Variants in BMP7 observed in about 807,000 individuals in gnomAD.
BMP7 encodes osteogenic protein 1.
In BMP7, 12 loss-of-function variants were observed where a neutral mutation model predicts 41.2. That is an observed-to-expected ratio of 0.29 (90% CI 0.19 to 0.47). The LOEUF (loss-of-function observed/expected upper bound fraction) is 0.47. Among genes scored for constraint, BMP7 ranks in the 20% least tolerant of loss-of-function variants. BMP7 has a pLI of 0.99. For missense variants in BMP7, 467 were observed against 606.0 expected (o/e 0.77, Z 2.41); for synonymous variants, 248 against 250.0 (o/e 0.99, Z 0.07).
In BMP7 at chr20:57,202,549, G is replaced by T; in HGVS notation, c.686C>A (p.Thr229Lys). The T allele has an allele frequency of 6.2e-7, 1 of 1,612,012 alleles. No homozygotes were observed. ...SEEGWLVFDI[T>K]ATSNHWVVNP... ...GACCACCCAGTGGTTGCTGGTGGCT[G>T]TGATGTCAAACACCAGCCAGCCCTC... Residue 229 changes from threonine (T) to lysine (K), a missense_variant, in exon 3 of 7, where the codon ACA (threonine) becomes AAA (lysine). Transcript: ENST00000395863.
intron 1 of BMP7, among the ~76,000 whole-genome samples, chr20:57,249,863 T>C (rs1425920943): frequency 6.6e-6 from 1 of 152,134 alleles, no homozygotes; most frequent in Non-Finnish European, 1.5e-5. Flanking sequence ...AGGTGAGGAC[T>C]GAGCCCCTTC....
chr20:57,170,950 T>A lies in BMP7; in HGVS notation c.*9A>T, dbSNP rs759728014. 1.2e-6 allele frequency: 2 copies of A among 1,613,044 alleles called. No individual in the cohort carries two copies. Among genetic ancestry groups the A allele is most frequent in the Admixed American group, 3.3e-5 (2 of 59,998 alleles). On this transcript the variant is annotated 3_prime_UTR_variant, in exon 7 of 7. Coordinates refer to ENST00000395863, the MANE Select transcript of BMP7 (RefSeq NM_001719.3). ...ACTTGGCCCCAAAGGGTCTGAATTC[T>A]CGGAGGAGCTAGTGGCAGCCACAGG...
intron 1 of BMP7, among the ~76,000 whole-genome samples, chr20:57,231,897 C>A (rs2066030713): frequency 6.6e-6 from 1 of 152,170 alleles, no homozygotes; most frequent in African/African-American, 2.4e-5. Flanking sequence ...GCTGAAGAGC[C>A]CGGAAGTACA....
chr20:57,262,351 A>T (rs936516913), intron 1 of BMP7, among the ~76,000 whole-genome samples: 1 of 152,212 alleles, frequency 6.6e-6, no homozygotes, highest in Non-Finnish European at 1.5e-5. Flanking sequence ...GGCTGGGAAG[A>T]TGGGAGTCTC....
At chr20:57,231,370 C>A (rs2066028924) in intron 1 of BMP7, among the ~76,000 whole-genome samples, 1 of 152,196 alleles carries the variant, frequency 6.6e-6, no homozygotes, top group Non-Finnish European at 1.5e-5. Context: ...ATGAACATCA[C>A]AGGACACGTG....
chr20:57,231,554 G>A (rs2066029551), intron 1 of BMP7, among the ~76,000 whole-genome samples: 1 of 152,220 alleles, frequency 6.6e-6, no homozygotes, highest in Non-Finnish European at 1.5e-5. Flanking sequence ...GGCTTCTCGA[G>A]TGCTTTTCTC....
Position 57,266,027 on chromosome 20 carries a change from G to A in BMP7, c.96C>T (p.Ser32=), listed in dbSNP as rs199724512. ...FLLRSALADF[S]LDNEVHSSFI... ...AGCTCGAGTGCACCTCGTTGTCCAG[G>A]CTGAAGTCGGCCAGGGCGGAGCGCA... is the stretch of plus-strand genomic sequence containing the variant. Residue 32 remains serine, a synonymous_variant, in exon 1 of 7, where the codon AGC becomes AGT. Coordinates refer to ENST00000395863, the MANE Select transcript of BMP7 (RefSeq NM_001719.3). The A allele has an allele frequency of 4.5e-6, 7 of 1,547,216 alleles. No homozygotes were observed. The highest frequency in any genetic ancestry group is 3.5e-6 in the Non-Finnish European group (4 of 1,146,918).
intron 3 of BMP7, among the ~76,000 whole-genome samples, chr20:57,185,833 A>G (rs944074323): frequency 5.9e-5 from 9 of 152,066 alleles, no homozygotes; most frequent in Non-Finnish European, 8.8e-5. Context: ...AGTACTCAAT[A>G]AATGCTAGCT....
In BMP7 at chr20:57,207,811, G is replaced by GT. The variant is rs572613876; in HGVS notation, c.612-5189dup. ...CTTTCCCATCCCCATACCCCAGTTG[G>GT]TTTTTTTTTTTTTTTTTTTTTTTTT... On this transcript the variant is annotated intron_variant, in intron 2 of 6. Coordinates refer to ENST00000395863, the MANE Select transcript of BMP7 (RefSeq NM_001719.3). Among the ~76,000 whole-genome samples the GT allele has an allele frequency of 9.9e-3, 1,082 of 109,824 alleles. 64 individuals are homozygous for GT. Among genetic ancestry groups the GT allele is most frequent in the Admixed American group, 0.016 (169 of 10,610 alleles). The allele number at this position is 109,824 out of a possible 152,430, so 72.0% of individuals were successfully genotyped here.
chr20:57,264,418 G>A (rs2066165859), intron 1 of BMP7, among the ~76,000 whole-genome samples: 1 of 152,254 alleles, frequency 6.6e-6, no homozygotes, highest in African/African-American at 2.4e-5. Context: ...CTATCGGGGT[G>A]TGTTATCTCG....
At chr20:57,264,652 A>G (rs1191726599) in intron 1 of BMP7, among the ~76,000 whole-genome samples, 1 of 152,172 alleles carries the variant, frequency 6.6e-6, no homozygotes, top group Non-Finnish European at 1.5e-5. Flanking sequence ...CCCAATCGCC[A>G]AAACCTGTGG....
chr20:57,249,991 G>C (rs2123141158), intron 1 of BMP7, among the ~76,000 whole-genome samples: 1 of 152,302 alleles, frequency 6.6e-6, no homozygotes, highest in East Asian at 1.9e-4. Context: ...ACACACCAGT[G>C]ACCTGGACCC....
chr20:57,173,697 G>T (rs1179377955), intron 5 of BMP7: 2 of 318,866 alleles, frequency 6.3e-6, no homozygotes, highest in Non-Finnish European at 1.2e-5. Context: ...ATCCTAAAAT[G>T]GACATCCATG....
rs192121279 is a variant in BMP7 at position 57,225,918 on chromosome 20, G to A, written c.611+2311C>T. On this transcript the variant is annotated intron_variant, in intron 2 of 6. Coordinates refer to ENST00000395863, the MANE Select transcript of BMP7 (RefSeq NM_001719.3). ...GAGGGCAGGGACTCGTGTCTGGTTC[G>A]TTCTGGTCGATGCCCTCAGGCATGG... 812 of 471,280 alleles carry A rather than the reference G, an allele frequency of 1.7e-3. 2 individuals are homozygous for A. Among genetic ancestry groups the A allele is most frequent in the Admixed American group, 3.2e-3 (137 of 42,592 alleles). The allele number at this position is 471,280 out of a possible 1,614,324, so 29.2% of individuals were successfully genotyped here. A position where few individuals can be genotyped will look rare whatever the true frequency, so the allele number is the denominator to read the frequency against.
rs528786781 is a variant in BMP7 at position 57,259,631 on chromosome 20, C to T, written c.418+6074G>A. ...TGTCATTAATTCAATCCACTCCACG[C>T]GGATCAGCACAGGCTTTGCGCGGCT... is the stretch of plus-strand genomic sequence containing the variant. On this transcript the variant is annotated intron_variant, in intron 1 of 6. Transcript: ENST00000395863. This position sits in a 1 kb window ranked among gnomAD's most constrained non-coding sequence, Gnocchi z 4.7. Among the ~76,000 whole-genome samples, 2 of 152,318 alleles carry T rather than the reference C, an allele frequency of 1.3e-5. No homozygotes were observed. Among genetic ancestry groups the T allele is most frequent in the South Asian group, 2.1e-4 (1 of 4,824 alleles).
At position 57,194,507 on chromosome 20, in the gene BMP7, C is replaced by T. The variant is rs74861832; in HGVS notation, c.760+7968G>A. Reference sequence around the variant, plus strand: ...ACTGAAGATGAAAACCTTTGCTGACCCTGACTCTAACCAACCCTAGATCCA... The same window carrying T: ...ACTGAAGATGAAAACCTTTGCTGACTCTGACTCTAACCAACCCTAGATCCA... On this transcript the variant is annotated intron_variant, in intron 3 of 6. Transcript: ENST00000395863. 9.6e-3 allele frequency among the ~76,000 whole-genome samples: 1,466 copies of T among 152,230 alleles called. 14 individuals are homozygous for T. The highest frequency in any genetic ancestry group is 0.031 in the Middle Eastern group (9 of 294).
intron 2 of BMP7, among the ~76,000 whole-genome samples, chr20:57,206,705 A>G (rs1422120060): frequency 6.6e-6 from 1 of 152,196 alleles, no homozygotes. Flanking sequence ...ATCTTCTTCA[A>G]TGATTAGGAA....
At chr20:57,196,612 C>T (rs1445087690) in intron 3 of BMP7, among the ~76,000 whole-genome samples, 1 of 152,208 alleles carries the variant, frequency 6.6e-6, no homozygotes, top group Non-Finnish European at 1.5e-5. Context: ...GACCATCATT[C>T]ATCATTCACT....
intron 1 of BMP7, among the ~76,000 whole-genome samples, chr20:57,249,556 G>A (rs570835377): frequency 3.7e-4 from 57 of 152,106 alleles, no homozygotes; most frequent in Middle Eastern, 6.8e-3. Flanking sequence ...CAAATGTCCC[G>A]GATTCTTTTC....
Sources: gnomAD v4.1 joint callset for allele counts (sites outside exome capture counted in the v4.1 genomes callset) on GRCh38, gnomAD v4.1.1 for gene constraint, Gnocchi (gnomAD v3.1) non-coding constraint, MANE v1.5 for transcripts, NCBI Gene and HGNC (gene_info 2026-07-23, HGNC 2026-07-21) for gene names.